The following KIF21A variants were observed in gnomAD, a reference collection of about 807,000 sequenced individuals.
The protein encoded by KIF21A is kinesin-like protein KIF21A.
Under a neutral mutation model 202.9 loss-of-function variants are expected in KIF21A, and 114 were observed. That is an observed-to-expected ratio of 0.56 (90% CI 0.48 to 0.66). KIF21A has a LOEUF of 0.66. KIF21A is among the 30% of genes least tolerant of loss of function. KIF21A has a pLI of 0.00. For missense variants in KIF21A, 1,677 were observed against 1,994.9 expected (o/e 0.84, Z 3.04); for synonymous variants, 667 against 670.8 (o/e 0.99, Z 0.09).
At chr12:39,430,214 AT>A (rs1937670274) in intron 1 of KIF21A, among the ~76,000 whole-genome samples, 1 of 151,936 alleles carries the variant, frequency 6.6e-6, no homozygotes, top group African/African-American at 2.4e-5. Context: ...CCTTAAAAAA[AT>A]AAAAACGTAA....
rs56245570 is a variant in KIF21A at position 39,441,660 on chromosome 12, T to TAAAAAAAAAAAAAAAAAAAAAAAAAAAAA, written c.44+1266_44+1267insTTTTTTTTTTTTTTTTTTTTTTTTTTTTT. 6.4e-4 allele frequency among the ~76,000 whole-genome samples: 24 copies of TAAAAAAAAAAAAAAAAAAAAAAAAAAAAA among 37,778 alleles called. 3 individuals are homozygous for TAAAAAAAAAAAAAAAAAAAAAAAAAAAAA. The highest frequency in any genetic ancestry group is 8.4e-4 in the East Asian group (2 of 2,376). The allele number at this position is 37,778 out of a possible 152,430, so 24.8% of individuals were successfully genotyped here. ...ATAAAACTGTCACCTCCCTGGGTGG[T>TAAAAAAAAAAAAAAAAAAAAAAAAAAAAA]AAAAAAAAAAAAAAAAAAAACACTT... is the stretch of plus-strand genomic sequence containing the variant. On this transcript the variant is annotated intron_variant, in intron 1 of 37. Coordinates refer to ENST00000361418, the MANE Select transcript of KIF21A (RefSeq NM_001173464.2).
In KIF21A at chr12:39,358,187, C is replaced by T. The variant is rs2138871714; in HGVS notation, c.1206G>A (p.Glu402=). 2 of 1,613,868 alleles carry T rather than the reference C, an allele frequency of 1.2e-6. No individual in the cohort carries two copies. The highest frequency in any genetic ancestry group is 8.5e-7 in the Non-Finnish European group (1 of 1,179,858). ...AAACTCATTAGCTTACTGTTTTGTA[C>T]TCCATGAGCTCCATCTGAAGTCGTG... ...EITRLQMELM[E]YKTGKRIIDE... The change falls in exon 8 of 38, where the codon GAG becomes GAA. Residue 402 remains glutamate, a synonymous_variant. Transcript: ENST00000361418.
intron 1 of KIF21A, among the ~76,000 whole-genome samples, chr12:39,409,751 C>G (rs540146133): frequency 1.1e-4 from 16 of 151,826 alleles, no homozygotes; most frequent in Admixed American, 8.5e-4. Context: ...TGCATTATCT[C>G]TGTAGGCCTG....
chr12:39,437,550 C>T (rs1938987449), intron 1 of KIF21A, among the ~76,000 whole-genome samples: 1 of 152,158 alleles, frequency 6.6e-6, no homozygotes, highest in African/African-American at 2.4e-5. Context: ...CATTTTGTAT[C>T]ATTGTCTGTG....
At chr12:39,331,942 T>C (rs1946544835) in intron 21 of KIF21A, 151 bp from the exon 22 acceptor site, 4 of 724,714 alleles carry the variant, frequency 5.5e-6, no homozygotes, top group Non-Finnish European at 9.7e-6. Flanking sequence ...CCAAGAAACA[T>C]AGGGTTTAGT....
chr12:39,429,449 C>A (rs181259816), intron 1 of KIF21A, among the ~76,000 whole-genome samples: 24 of 152,254 alleles, frequency 1.6e-4, no homozygotes, highest in African/African-American at 5.3e-4. Flanking sequence ...GCACTATTAT[C>A]ATCCCTTTTC....
At chr12:39,322,173 T>TA (rs1482013500) in intron 27 of KIF21A, 1 of 153,428 alleles carries the variant, frequency 6.5e-6, no homozygotes, top group Admixed American at 6.5e-5. Context: ...TGCTTCAAGG[T>TA]AAAAAATTAG....
intron 11 of KIF21A, among the ~76,000 whole-genome samples, chr12:39,349,800 T>C (rs1173905216): frequency 6.6e-6 from 1 of 152,088 alleles, no homozygotes; most frequent in Non-Finnish European, 1.5e-5. Context: ...TTAAATACTA[T>C]AAATTTTTAT....
rs749197486 is a variant in KIF21A at position 39,370,139 on chromosome 12, T to C, written c.167A>G (p.Asp56Gly). Residue 56 changes from aspartate to glycine, a missense_variant, in exon 2 of 38, where the codon GAC becomes GGC. Physicochemically the swap from Asp to Gly is moderately conservative, Grantham distance 94. Transcript: ENST00000361418. ...DKAFTFDYVF[D>G]IDSQQEQIYI... ...GATCTGCTCTTGCTGGGAGTCAATGTCAAATACATAGTCAAAAGTAAAAGC... is the reference window on the plus strand; with the variant it reads ...GATCTGCTCTTGCTGGGAGTCAATGCCAAATACATAGTCAAAAGTAAAAGC... 8 of 1,612,930 alleles carry C rather than the reference T, an allele frequency of 5.0e-6. No homozygotes were observed. The highest frequency in any genetic ancestry group is 6.8e-6 in the Non-Finnish European group (8 of 1,179,500).
intron 1 of KIF21A, among the ~76,000 whole-genome samples, chr12:39,387,215 G>A (rs890762459): frequency 1.4e-5 from 2 of 146,788 alleles, no homozygotes; most frequent in African/African-American, 5.2e-5. Flanking sequence ...AGCTTGGACT[G>A]TAAAAGCCTA....
intron 7 of KIF21A, among the ~76,000 whole-genome samples, chr12:39,360,099 G>C (rs1949090584): frequency 6.6e-6 from 1 of 151,804 alleles, no homozygotes; most frequent in South Asian, 2.1e-4. Flanking sequence ...AAGAGTAACT[G>C]GCAAGGATCA....
At chr12:39,434,644 A>C (rs1938429331) in intron 1 of KIF21A, among the ~76,000 whole-genome samples, 2 of 152,198 alleles carry the variant, frequency 1.3e-5, no homozygotes, top group Admixed American at 1.3e-4. Context: ...CATTGCCTTC[A>C]ATTACTTTAA....
At chr12:39,363,049 A>G in intron 7 of KIF21A, 49 bp downstream of exon 7, 1 of 1,146,360 alleles carries the variant, frequency 8.7e-7, no homozygotes, top group Non-Finnish European at 1.3e-6. Flanking sequence ...AAGCTTATTT[A>G]ATAATGAATA....
At chr12:39,309,146 A>T (rs1017239066) in intron 33 of KIF21A, among the ~76,000 whole-genome samples, 1 of 152,104 alleles carries the variant, frequency 6.6e-6, no homozygotes, top group Admixed American at 6.5e-5. Context: ...CTTAAAAAAC[A>T]CTCTCAGCTT....
intron 35 of KIF21A, 120 bp from the exon 36 acceptor site, chr12:39,303,255 A>G (rs1592029242): frequency 1.2e-6 from 1 of 800,062 alleles, no homozygotes; most frequent in Non-Finnish European, 2.0e-6. Flanking sequence ...TTTGTTATCT[A>G]TTGTTTCTGG....
intron 10 of KIF21A, among the ~76,000 whole-genome samples, chr12:39,355,538 G>A (rs780231528): frequency 6.6e-5 from 10 of 151,702 alleles, no homozygotes; most frequent in African/African-American, 1.5e-4. Flanking sequence ...GAGTGGTAAA[G>A]ATGGGGTCAA....
intron 10 of KIF21A, among the ~76,000 whole-genome samples, chr12:39,353,367 C>G (rs1592291434): frequency 6.6e-6 from 1 of 152,022 alleles, no homozygotes; most frequent in African/African-American, 2.4e-5. Context: ...ATATGTGATA[C>G]CATATGCGAG....
intron 9 of KIF21A, 110 bp from the exon 10 acceptor site, chr12:39,357,005 T>TA: frequency 2.9e-6 from 2 of 688,144 alleles, no homozygotes; most frequent in Non-Finnish European, 5.0e-6. Context: ...ACACAATTCT[T>TA]ACAGCAAATT....
intron 15 of KIF21A, 108 bp downstream of exon 15, chr12:39,340,797 CA>C (rs1274568688): frequency 2.8e-5 from 22 of 775,058 alleles, no homozygotes; most frequent in Non-Finnish European, 4.1e-5. Flanking sequence ...AAATAAATAA[CA>C]AAAAAGGGTT....
Sources: allele counts gnomAD v4.1 joint callset (sites outside exome capture counted in the v4.1 genomes callset), GRCh38; gene constraint gnomAD v4.1.1; transcripts MANE v1.5; gene names NCBI Gene and HGNC (gene_info 2026-07-23, HGNC 2026-07-21).